Variants in SUCO observed in about 807,000 individuals in gnomAD.
The protein encoded by SUCO is SUN domain-containing ossification factor.
A neutral mutation model predicts 148.1 loss-of-function variants in SUCO; 57 were observed. The observed-to-expected ratio is 0.38, with a 90% CI of 0.31 to 0.48. SUCO has a LOEUF of 0.48. SUCO is among the 20% of genes least tolerant of loss of function. SUCO has a pLI of 0.96. For missense variants in SUCO, 1,331 were observed against 1,468.2 expected, an observed-to-expected ratio of 0.91 and a Z score of 1.53; for synonymous variants, 470 against 502.7, an observed-to-expected ratio of 0.93 and a Z score of 0.87.
intron 1 of SUCO, among the ~76,000 whole-genome samples, chr1:172,549,187 C>T (rs1279557578): frequency 6.6e-6 from 1 of 151,614 alleles, no homozygotes; most frequent in Admixed American, 6.6e-5. Flanking sequence ...TGAAAATTAC[C>T]CCTAATGTTT....
chr1:172,563,914 G>A (rs914566666), intron 6 of SUCO, among the ~76,000 whole-genome samples: 2 of 152,202 alleles, frequency 1.3e-5, no homozygotes, highest in African/African-American at 2.4e-5. Context: ...TGCAGCCTCC[G>A]GACATGGCAC....
intron 9 of SUCO, among the ~76,000 whole-genome samples, chr1:172,572,670 T>TTGG (rs1655121705): frequency 8.5e-6 from 1 of 117,960 alleles, no homozygotes; most frequent in Admixed American, 1.1e-4. Context: ...AATCCCCCTC[T>TTGG]GTGAGAAACA....
At chr1:172,539,236 A>G (rs370401466) in intron 1 of SUCO, among the ~76,000 whole-genome samples, 14 of 152,206 alleles carry the variant, frequency 9.2e-5, no homozygotes, top group African/African-American at 3.1e-4. Context: ...TCATCTTCAA[A>G]TAGAAACACC....
chr1:172,594,468 T>G (rs1166692045), intron 19 of SUCO, among the ~76,000 whole-genome samples: 1 of 152,200 alleles, frequency 6.6e-6, no homozygotes, highest in Admixed American at 6.5e-5. Flanking sequence ...CCAGAGATTC[T>G]GGTATGTTGT....
At chr1:172,594,955 C>G (rs1656981271) in intron 19 of SUCO, among the ~76,000 whole-genome samples, 1 of 152,170 alleles carries the variant, frequency 6.6e-6, no homozygotes, top group Non-Finnish European at 1.5e-5. Context: ...CTTCATGAAT[C>G]TGGGTGCTCC....
chr1:172,578,191 G>T (rs1655598682), intron 13 of SUCO, 107 bp from the exon 14 acceptor site: 1 of 809,810 alleles, frequency 1.2e-6, no homozygotes, highest in East Asian at 2.6e-5. Context: ...CCAAAAGCCA[G>T]TGGCCCTCAA....
intron 1 of SUCO, among the ~76,000 whole-genome samples, chr1:172,536,216 G>C (rs1421406537): frequency 6.6e-6 from 1 of 152,080 alleles, no homozygotes; most frequent in Non-Finnish European, 1.5e-5. Flanking sequence ...GTTAAGCTTC[G>C]GAGCTTAAAT....
chr1:172,548,321 C>G (rs989473122), intron 1 of SUCO, among the ~76,000 whole-genome samples: 1 of 151,474 alleles, frequency 6.6e-6, no homozygotes, highest in Non-Finnish European at 1.5e-5. Flanking sequence ...ACTATCTTCC[C>G]TTTATTGGTT....
intron 2 of SUCO, among the ~76,000 whole-genome samples, chr1:172,552,876 A>G (rs115895247): frequency 1.3e-3 from 194 of 152,196 alleles, no homozygotes; most frequent in African/African-American, 4.6e-3. Context: ...ATTACACTCT[A>G]GAAGGCATAA....
chr1:172,600,112 A>G lies in SUCO; in HGVS notation c.2962A>G (p.Asn988Asp). 6.2e-7 allele frequency: 1 copy of G among 1,611,330 alleles called. No homozygotes were observed. The highest frequency in any genetic ancestry group is 8.5e-7 in the Non-Finnish European group (1 of 1,179,580). Reference protein sequence around the residue: ...AIQLLQAQLTNMTQLVSNLSA... With the variant: ...AIQLLQAQLTDMTQLVSNLSA... Reference sequence around the variant, plus strand: ...CCAGTTGCTACAGGCACAGCTGACCAACATGACACAGCTTGTTTCAAATTT... The same window carrying G: ...CCAGTTGCTACAGGCACAGCTGACCGACATGACACAGCTTGTTTCAAATTT... The change falls in exon 20 of 24, where the codon AAC (asparagine) becomes GAC (aspartate). Residue 988 changes from asparagine (N) to aspartate (D), a missense_variant. This residue lies in a region of SUCO where 334 missense variants were observed against 352.3 expected (regional missense o/e 0.95). Coordinates refer to ENST00000263688, the MANE Select transcript of SUCO (RefSeq NM_014283.5).
At chr1:172,553,180 A>G in intron 2 of SUCO, 80 bp from the exon 3 acceptor site, 1 of 1,384,688 alleles carries the variant, frequency 7.2e-7, no homozygotes, top group Non-Finnish European at 9.4e-7. Flanking sequence ...AAAGTATGGA[A>G]AAAAACCATC....
chr1:172,532,437 A>C, upstream of SUCO: 1 of 1,532,482 alleles, frequency 6.5e-7, no homozygotes. Context: ...GCTGAAGAGA[A>C]GAAAAAGCGA....
At chr1:172,585,755 A>G (rs1376061810) in intron 16 of SUCO, 103 bp from the exon 17 acceptor site, 3 of 727,550 alleles carry the variant, frequency 4.1e-6, no homozygotes, top group Non-Finnish European at 2.3e-6. Flanking sequence ...TAGCAAACCT[A>G]TTTGGCTTTT....
chr1:172,588,273 T>A (rs1272411494), intron 17 of SUCO: 2 of 985,216 alleles, frequency 2.0e-6, no homozygotes, highest in African/African-American at 3.5e-5. Flanking sequence ...AAATAGGGTA[T>A]TCAAGTACAA....
chr1:172,591,365 C>T (rs1656653981), intron 19 of SUCO, among the ~76,000 whole-genome samples: 1 of 151,850 alleles, frequency 6.6e-6, no homozygotes, highest in African/African-American at 2.4e-5. Context: ...TGTTGGTGTG[C>T]TGCTGCTGTA....
Position 172,576,687 on chromosome 1 carries a change from CAT to C in SUCO, c.1264-850_1264-849del, listed in dbSNP as rs1025615931. Among the ~76,000 whole-genome samples the C allele has an allele frequency of 5.9e-5, 9 of 151,740 alleles. No homozygotes were observed. The South Asian group carries it at 6.2e-4, about 10-fold the overall frequency. On this transcript the variant is annotated intron_variant, in intron 11 of 23. Coordinates refer to ENST00000263688, the MANE Select transcript of SUCO (RefSeq NM_014283.5). ...TTTTGGAAGGATATTTTATTGGAAA[CAT>C]AAAGAATGCCTTATAAAACTTTCCA...
In SUCO at chr1:172,588,798, C is replaced by A. The variant is rs375738491; in HGVS notation, c.1697C>A (p.Pro566Gln). 1.3e-6 allele frequency: 2 copies of A among 1,568,508 alleles called. No individual in the cohort carries two copies. The highest frequency in any genetic ancestry group is 1.9e-5 in the Admixed American group (1 of 51,582). Reference sequence around the variant, plus strand: ...GAAGTACACACACATGACATGGAGCCGTCAACACCAGATACTCCAAAAGAG... The same window carrying A: ...GAAGTACACACACATGACATGGAGCAGTCAACACCAGATACTCCAAAAGAG... The part of the protein sequence containing the change: ...TTEVHTHDME[P>Q]STPDTPKESP... Residue 566 changes from proline (P) to glutamine (Q), a missense_variant, in exon 18 of 24, where the codon CCG (proline) becomes CAG (glutamine). By Grantham distance (76) the Pro-to-Gln change is moderately conservative. This residue lies in a region of SUCO where 992 missense variants were observed against 1,093.5 expected (regional missense o/e 0.91). Transcript: ENST00000263688.
At chr1:172,542,699 G>A in intron 1 of SUCO, 2 of 984,616 alleles carry the variant, frequency 2.0e-6, no homozygotes, top group Non-Finnish European at 2.4e-6. Context: ...GGTCTCTGGT[G>A]CCAAAAGGTT....
At chr1:172,601,273 C>T (rs1275013583) in intron 20 of SUCO, among the ~76,000 whole-genome samples, 1 of 151,962 alleles carries the variant, frequency 6.6e-6, no homozygotes, top group Non-Finnish European at 1.5e-5. Flanking sequence ...TCAGATCACT[C>T]GAGGTCAGGA....
Sources: gnomAD v4.1 joint callset for allele counts (sites outside exome capture counted in the v4.1 genomes callset) on GRCh38, gnomAD v4.1.1 for gene constraint, gnomAD v4.1.1 regional missense constraint, MANE v1.5 for transcripts, NCBI Gene and HGNC (gene_info 2026-07-23, HGNC 2026-07-21) for gene names.